PLCE1: variants seen among roughly 807,000 people sequenced by gnomAD.
PLCE1 encodes phospholipase C epsilon 1, also known as 1-phosphatidylinositol 4,5-bisphosphate phosphodiesterase epsilon-1.
PLCE1 carries 119 observed loss-of-function variants against 242.8 expected under a neutral mutation model. The ratio of observed to expected loss-of-function variants is 0.49; its 90% CI spans 0.42 to 0.57. The LOEUF is 0.57. PLCE1 is among the 20% of genes least tolerant of loss of function. The probability of loss-of-function intolerance (pLI) is 0.00; values close to 1 mark genes in which losing one functional copy is unlikely to be tolerated. For missense variants in PLCE1, 2,441 were observed against 2,788.8 expected, an observed-to-expected ratio of 0.88 and a Z score of 2.81; for synonymous variants, 945 against 1,017.4, an observed-to-expected ratio of 0.93 and a Z score of 1.35.
chr10:94,182,099 T>G (rs2048332560), intron 4 of PLCE1, among the ~76,000 whole-genome samples: 1 of 147,470 alleles, frequency 6.8e-6, no homozygotes, highest in Non-Finnish European at 1.5e-5. Context: ...TTTCTGTTTT[T>G]TTTTTTTTTC....
At chr10:94,249,575 A>T (rs1392968901) in intron 8 of PLCE1, among the ~76,000 whole-genome samples, 1 of 152,216 alleles carries the variant, frequency 6.6e-6, no homozygotes, top group African/African-American at 2.4e-5. Context: ...TCATTCTGAC[A>T]TTAGAATTTC....
chr10:94,279,370 G>A, intron 19 of PLCE1: 1 of 248,736 alleles, frequency 4.0e-6, no homozygotes, highest in Non-Finnish European at 7.8e-6. Flanking sequence ...TCAGGAGCCT[G>A]TAGATATTAT....
At chr10:94,102,666 C>T (rs1482294753) in intron 2 of PLCE1, among the ~76,000 whole-genome samples, 1 of 152,208 alleles carries the variant, frequency 6.6e-6, no homozygotes, top group Non-Finnish European at 1.5e-5. Flanking sequence ...TAGGCCAGAA[C>T]TCATGCCAGC....
intron 11 of PLCE1, among the ~76,000 whole-genome samples, chr10:94,256,341 AGAAAG>A (rs2051099366): frequency 1.5e-5 from 2 of 135,120 alleles, no homozygotes; most frequent in African/African-American, 5.9e-5. Context: ...AAAAAAAAAA[AGAAAG>A]AAAGAAAGAA....
At chr10:94,093,675 T>A (rs1387913662) in intron 2 of PLCE1, among the ~76,000 whole-genome samples, 1 of 152,180 alleles carries the variant, frequency 6.6e-6, no homozygotes, top group Non-Finnish European at 1.5e-5. Flanking sequence ...CCTTCTTCCA[T>A]TTCTTATGGT....
At chr10:94,258,656 A>T (rs2051187023) in intron 11 of PLCE1, 144 bp from the exon 12 acceptor site, 25 of 896,510 alleles carry the variant, frequency 2.8e-5, no homozygotes, top group Non-Finnish European at 4.0e-5. Context: ...AGAGATGTGA[A>T]AAGAGAGTAC....
intron 29 of PLCE1, among the ~76,000 whole-genome samples, chr10:94,320,424 C>T (rs1436255330): frequency 6.6e-6 from 1 of 152,218 alleles, no homozygotes; most frequent in East Asian, 1.9e-4. Flanking sequence ...TTGGGGCAAG[C>T]TTCAGAAGCC....
intron 7 of PLCE1, among the ~76,000 whole-genome samples, chr10:94,242,678 G>A (rs183831828): frequency 2.6e-5 from 4 of 152,198 alleles, no homozygotes; most frequent in East Asian, 1.9e-4. Context: ...AGGCTGATTC[G>A]AGGACTGGGG....
At chr10:94,301,321 G>T (rs1354151397) in intron 24 of PLCE1, among the ~76,000 whole-genome samples, 6 of 151,814 alleles carry the variant, frequency 4.0e-5, no homozygotes. Context: ...TTCAGCCTGG[G>T]CGACAAAGTG....
intron 20 of PLCE1, among the ~76,000 whole-genome samples, chr10:94,281,060 G>C (rs527785270): frequency 6.6e-6 from 1 of 152,212 alleles, no homozygotes; most frequent in South Asian, 2.1e-4. Context: ...ATAGTAAGAG[G>C]GGAAAAAATT....
At chr10:94,114,637 C>A (rs925833249) in intron 2 of PLCE1, among the ~76,000 whole-genome samples, 1 of 152,144 alleles carries the variant, frequency 6.6e-6, no homozygotes, top group African/African-American at 2.4e-5. Flanking sequence ...CTCCACATTA[C>A]CCCCAAATAA....
chr10:94,238,377 G>T (rs529224514), intron 7 of PLCE1, among the ~76,000 whole-genome samples: 1 of 152,348 alleles, frequency 6.6e-6, no homozygotes, highest in South Asian at 2.1e-4. Flanking sequence ...ATGAAGTTGT[G>T]CCTAGCGAGC....
intron 3 of PLCE1, among the ~76,000 whole-genome samples, chr10:94,141,548 T>A (rs35248390): frequency 1.1e-5 from 1 of 90,264 alleles, no homozygotes; most frequent in African/African-American, 4.6e-5. Flanking sequence ...AAGGGAAGGC[T>A]AAGGGAAGGT....
intron 11 of PLCE1, 67 bp downstream of exon 11, chr10:94,255,116 C>A: frequency 1.3e-6 from 2 of 1,537,366 alleles, no homozygotes; most frequent in South Asian, 1.1e-5. Context: ...AAGGGCATAT[C>A]TTTACAGTTG....
At chr10:94,167,211 A>C (rs1412726372) in intron 3 of PLCE1, among the ~76,000 whole-genome samples, 1 of 152,076 alleles carries the variant, frequency 6.6e-6, no homozygotes, top group African/African-American at 2.4e-5. Context: ...GAATCGCTTG[A>C]ACCCGGGAGG....
At chr10:94,326,497 C>T (rs990632126) in intron 32 of PLCE1, among the ~76,000 whole-genome samples, 1 of 152,200 alleles carries the variant, frequency 6.6e-6, no homozygotes, top group Admixed American at 6.5e-5. Context: ...ATGTTATACA[C>T]ACCTCTATAA....
At position 94,329,778 on chromosome 10, in the gene PLCE1, A is replaced by G. The variant is rs1465260419; in HGVS notation, c.*1835A>G. On this transcript the variant is annotated 3_prime_UTR_variant, in exon 33 of 33. Coordinates refer to ENST00000371380, the MANE Select transcript of PLCE1 (RefSeq NM_016341.4). ...GGTGACAGAGCGAGACTCCGTCTCA[A>G]AAAAAAAAAAAAAAAAAAAAAAAAA... is the stretch of plus-strand genomic sequence containing the variant. 2 of 57,200 alleles carry G rather than the reference A, an allele frequency of 3.5e-5. No individual in the cohort carries two copies. Among genetic ancestry groups the G allele is most frequent in the Admixed American group, 3.1e-4 (2 of 6,476 alleles). The allele number at this position is 57,200 out of a possible 1,614,324, so 3.5% of individuals were successfully genotyped here.
At chr10:94,117,116 C>T (rs1050120414) in intron 2 of PLCE1, among the ~76,000 whole-genome samples, 3 of 152,140 alleles carry the variant, frequency 2.0e-5, no homozygotes, top group Admixed American at 2.0e-4. Flanking sequence ...TATAGAGCTC[C>T]CATCCTCTCT....
At chr10:94,303,201 C>G (rs1209346862) in intron 24 of PLCE1, among the ~76,000 whole-genome samples, 1 of 152,252 alleles carries the variant, frequency 6.6e-6, no homozygotes, top group Non-Finnish European at 1.5e-5. Flanking sequence ...CTCATTGCCC[C>G]AGGGCGTTTA....
Sources: allele counts gnomAD v4.1 joint callset (sites outside exome capture counted in the v4.1 genomes callset), GRCh38; gene constraint gnomAD v4.1.1; transcripts MANE v1.5; gene names NCBI Gene and HGNC (gene_info 2026-07-23, HGNC 2026-07-21).